Variants in PRDM2 observed in about 807,000 individuals in gnomAD.
PRDM2 encodes the protein PR/SET domain 2.
In PRDM2, 30 loss-of-function variants were observed where a neutral mutation model predicts 130.0. The observed-to-expected ratio is 0.23, with a 90% CI of 0.17 to 0.31. PRDM2 has a LOEUF of 0.31. Among genes scored for constraint, PRDM2 ranks in the 10% least tolerant of loss-of-function variants. The pLI is 1.00. For missense variants in PRDM2, 2,011 were observed against 2,108.4 expected (o/e 0.95, Z 0.90); for synonymous variants, 871 against 782.4 (o/e 1.11, Z -1.89).
intron 4 of PRDM2, among the ~76,000 whole-genome samples, chr1:13,734,364 G>A (rs1194144045): frequency 4.6e-5 from 7 of 152,188 alleles, no homozygotes; most frequent in Non-Finnish European, 5.9e-5. Flanking sequence ...TTAACACTAC[G>A]TTTAGTGAGA....
chr1:13,755,741 G>T (rs1044851391), intron 6 of PRDM2, among the ~76,000 whole-genome samples: 1 of 151,612 alleles, frequency 6.6e-6, no homozygotes, highest in East Asian at 1.9e-4. Context: ...CCTAATGTTC[G>T]TGGGAGCATT....
intron 8 of PRDM2, among the ~76,000 whole-genome samples, chr1:13,792,084 C>T (rs1395527772): frequency 6.6e-6 from 1 of 152,196 alleles, no homozygotes; most frequent in East Asian, 1.9e-4. Context: ...GTCATTTCAG[C>T]AACCACAGAA....
intron 5 of PRDM2, among the ~76,000 whole-genome samples, chr1:13,742,495 C>G (rs1450882380): frequency 6.6e-6 from 1 of 152,206 alleles, no homozygotes; most frequent in African/African-American, 2.4e-5. Context: ...AGCCACAATG[C>G]CTGGGCCTGC....
Position 13,782,070 on chromosome 1 carries a change from A to T in PRDM2, c.4275A>T (p.Lys1425Asn). 1 of 1,614,124 alleles carries T rather than the reference A, an allele frequency of 6.2e-7. No homozygotes were observed. Residue 1425 changes from lysine (K) to asparagine (N), a missense_variant, in exon 8 of 10, where the codon AAA becomes AAT. Lys to Asn is a moderately conservative substitution (Grantham distance 94). Coordinates refer to ENST00000311066, the MANE Select transcript of PRDM2 (RefSeq NM_001393986.1). Reference sequence around the variant, plus strand: ...TCAAATTAAATGCATTGAAGAAAAAAAATCAGCTAGTACAGAAAGCAATTC... The same window carrying T: ...TCAAATTAAATGCATTGAAGAAAAATAATCAGCTAGTACAGAAAGCAATTC... ...NKLKLNALKK[K>N]NQLVQKAILQ...
chr1:13,792,809 G>A (rs540410546), intron 8 of PRDM2, among the ~76,000 whole-genome samples: 5 of 152,324 alleles, frequency 3.3e-5, no homozygotes, highest in Non-Finnish European at 7.3e-5. Flanking sequence ...GCACCTTTCT[G>A]AGTGCTTTAC....
chr1:13,805,414 G>T (rs1645072156), intron 8 of PRDM2, among the ~76,000 whole-genome samples: 1 of 152,064 alleles, frequency 6.6e-6, no homozygotes, highest in Non-Finnish European at 1.5e-5. Context: ...CAGGCTGGGG[G>T]CTTCATTTGA....
At chr1:13,763,258 G>A (rs1436689222) in intron 6 of PRDM2, among the ~76,000 whole-genome samples, 1 of 152,174 alleles carries the variant, frequency 6.6e-6, no homozygotes, top group Non-Finnish European at 1.5e-5. Flanking sequence ...CAAGTGCGGT[G>A]AACAGGAAAA....
intron 4 of PRDM2, among the ~76,000 whole-genome samples, chr1:13,741,047 C>A (rs868190168): frequency 5.3e-5 from 8 of 152,212 alleles, no homozygotes; most frequent in African/African-American, 1.9e-4. Flanking sequence ...ATTTCTTTTG[C>A]CCAGCACGTC....
At chr1:13,814,435 T>C (rs1645225251) in intron 8 of PRDM2, among the ~76,000 whole-genome samples, 1 of 152,208 alleles carries the variant, frequency 6.6e-6, no homozygotes, top group South Asian at 2.1e-4. Context: ...CTTAGTCTTG[T>C]CTAAGGCTTT....
At chr1:13,786,701 G>C in intron 8 of PRDM2, 1 of 1,460,054 alleles carries the variant, frequency 6.8e-7, no homozygotes, top group Non-Finnish European at 9.0e-7. Context: ...TCAGGCATCT[G>C]CTGCTTCGGT....
chr1:13,742,560 G>A (rs1643479694), intron 5 of PRDM2, among the ~76,000 whole-genome samples: 1 of 152,198 alleles, frequency 6.6e-6, no homozygotes, highest in Admixed American at 6.5e-5. Flanking sequence ...TTGCAGACCT[G>A]GGAGGGATTA....
intron 8 of PRDM2, among the ~76,000 whole-genome samples, chr1:13,805,643 A>T (rs1645075205): frequency 6.6e-6 from 1 of 152,222 alleles, no homozygotes; most frequent in South Asian, 2.1e-4. Context: ...ACCTTCAGCA[A>T]AAGTGCAGAA....
At chr1:13,797,790 T>C (rs1046069017) in intron 8 of PRDM2, among the ~76,000 whole-genome samples, 2 of 152,194 alleles carry the variant, frequency 1.3e-5, no homozygotes, top group African/African-American at 4.8e-5. Flanking sequence ...GGTGGGACTT[T>C]GAAATCTTCA....
chr1:13,811,166 A>G (rs1166359223), intron 8 of PRDM2, among the ~76,000 whole-genome samples: 1 of 152,092 alleles, frequency 6.6e-6, no homozygotes, highest in Non-Finnish European at 1.5e-5. Context: ...CCTGAGCGAC[A>G]GAGTGAGACT....
intron 8 of PRDM2, among the ~76,000 whole-genome samples, chr1:13,789,186 T>C (rs190145774): frequency 6.6e-6 from 1 of 152,342 alleles, no homozygotes; most frequent in African/African-American, 2.4e-5. Flanking sequence ...GCTTTGGCTC[T>C]TCTTTGATAG....
chr1:13,805,291 C>T (rs1645070283), intron 8 of PRDM2, among the ~76,000 whole-genome samples: 2 of 152,208 alleles, frequency 1.3e-5, no homozygotes. Flanking sequence ...AGCGGCTACA[C>T]AGCAAGTCCG....
chr1:13,775,265 A>C (rs896355820), intron 7 of PRDM2, among the ~76,000 whole-genome samples: 1 of 152,360 alleles, frequency 6.6e-6, no homozygotes, highest in Admixed American at 6.5e-5. Flanking sequence ...GGGATTGTTT[A>C]CCAGTCATGG....
intron 4 of PRDM2, among the ~76,000 whole-genome samples, chr1:13,740,608 G>A (rs1030689802): frequency 1.3e-5 from 2 of 152,152 alleles, no homozygotes; most frequent in Admixed American, 6.5e-5. Context: ...GATCTGAGTC[G>A]AAGCCTTTCT....
At chr1:13,778,286 A>T in intron 7 of PRDM2, 132 bp from the exon 8 acceptor site, 1 of 931,616 alleles carries the variant, frequency 1.1e-6, no homozygotes, top group Non-Finnish European at 1.6e-6. Context: ...AAGTAGAAGT[A>T]ATTTATTGTT....
Sources: gnomAD v4.1 joint callset for allele counts (sites outside exome capture counted in the v4.1 genomes callset) on GRCh38, gnomAD v4.1.1 for gene constraint, MANE v1.5 for transcripts, NCBI Gene and HGNC (gene_info 2026-07-23, HGNC 2026-07-21) for gene names.